The following C2orf80 variants were observed in gnomAD, a reference collection of about 807,000 sequenced individuals.
The protein encoded by C2orf80 is uncharacterized protein C2orf80.
Under a neutral mutation model 30.2 loss-of-function variants are expected in C2orf80, and 28 were observed. The observed-to-expected ratio is 0.93, with a 90% CI of 0.69 to 1.27. C2orf80 has a LOEUF of 1.27. Among genes scored for constraint, C2orf80 ranks in the 50% most tolerant of loss-of-function variants. The pLI, the probability that C2orf80 is intolerant of heterozygous loss-of-function variation, is 0.00. For synonymous variants in C2orf80, 80 were observed against 76.4 expected (o/e 1.05, Z -0.24); for missense variants, 220 against 231.0 (o/e 0.95, Z 0.31).
intron 6 of C2orf80, among the ~76,000 whole-genome samples, chr2:208,179,870 A>G (rs548315503): frequency 5.1e-4 from 78 of 152,208 alleles, no homozygotes; most frequent in African/African-American, 1.8e-3. Flanking sequence ...AGGAGCTGAG[A>G]GTGGAGCTCA....
intron 1 of C2orf80, among the ~76,000 whole-genome samples, chr2:208,189,703 TTG>T (rs983791183): frequency 8.5e-5 from 13 of 152,204 alleles, no homozygotes; most frequent in Non-Finnish European, 1.5e-4. Flanking sequence ...GCTGTGTGTT[TTG>T]TGTGTGGCTG....
chr2:208,189,606 C>T (rs1160400230), intron 1 of C2orf80, among the ~76,000 whole-genome samples: 1 of 152,176 alleles, frequency 6.6e-6, no homozygotes, highest in South Asian at 2.1e-4. Context: ...TAAAGAAGGC[C>T]ATTTGCATGG....
At position 208,165,610 on chromosome 2, in the gene C2orf80, T is replaced by TC. The variant is rs1431779319; in HGVS notation, c.*196_*197insG. ...ATGAAGTAGCATAAGGTCACAGTTT[T>TC]TTTTTTTAAGAAAATGTAGCCATGC... On this transcript the variant is annotated 3_prime_UTR_variant, in exon 9 of 9. Transcript: ENST00000341287. 1 of 588,336 alleles carries TC rather than the reference T, an allele frequency of 1.7e-6. No individual in the cohort carries two copies. The highest frequency in any genetic ancestry group is 3.7e-5 in the Admixed American group (1 of 27,320). 36.4% of individuals were successfully genotyped at this position (588,336 alleles called of 1,614,324 possible).
intron 6 of C2orf80, among the ~76,000 whole-genome samples, chr2:208,179,619 A>G (rs1294886570): frequency 6.6e-6 from 1 of 152,114 alleles, no homozygotes; most frequent in African/African-American, 2.4e-5. Context: ...TCTAAATAGC[A>G]GTTCATATTT....
At chr2:208,188,085 C>CGTGT (rs139478315) in intron 1 of C2orf80, among the ~76,000 whole-genome samples, 13,045 of 144,062 alleles carry the variant, frequency 0.091, 708 homozygotes, top group East Asian at 0.19. Flanking sequence ...TATACTGCAC[C>CGTGT]GTGTGTGTGT....
At chr2:208,182,691 GCGCCCGGCCC>G (rs1433581020) in intron 4 of C2orf80, among the ~76,000 whole-genome samples, 1 of 152,192 alleles carries the variant, frequency 6.6e-6, no homozygotes, top group Non-Finnish European at 1.5e-5. Flanking sequence ...CTGAGCCACC[GCGCCCGGCCC>G]CTTAAGACAC....
At chr2:208,174,357 A>C (rs1321784235) in intron 6 of C2orf80, among the ~76,000 whole-genome samples, 1 of 152,182 alleles carries the variant, frequency 6.6e-6, no homozygotes, top group Non-Finnish European at 1.5e-5. Context: ...CTGAGTCAGC[A>C]TCCTCCAAAA....
intron 1 of C2orf80, among the ~76,000 whole-genome samples, chr2:208,187,547 C>T (rs1696753624): frequency 6.6e-6 from 1 of 152,126 alleles, no homozygotes; most frequent in Non-Finnish European, 1.5e-5. Context: ...GGAAATATGT[C>T]TTCAATTCCC....
intron 4 of C2orf80, among the ~76,000 whole-genome samples, chr2:208,181,637 AC>A (rs1696564497): frequency 6.6e-6 from 1 of 152,082 alleles, no homozygotes; most frequent in East Asian, 1.9e-4. Context: ...GAACTACCTA[AC>A]CCCACTGTAA....
chr2:208,175,011 T>C (rs1390423026), intron 6 of C2orf80, among the ~76,000 whole-genome samples: 1 of 152,158 alleles, frequency 6.6e-6, no homozygotes, highest in Non-Finnish European at 1.5e-5. Context: ...TCGGGCGCGG[T>C]GGCTCAGCCT....
intron 6 of C2orf80, among the ~76,000 whole-genome samples, chr2:208,175,732 A>G (rs1696266652): frequency 7.6e-6 from 1 of 131,904 alleles, no homozygotes; most frequent in South Asian, 2.7e-4. Context: ...ATCTCTTGCA[A>G]TATCGTTTTT....
At chr2:208,185,425 A>G (rs1440482620) in intron 2 of C2orf80, among the ~76,000 whole-genome samples, 1 of 152,222 alleles carries the variant, frequency 6.6e-6, no homozygotes, top group Non-Finnish European at 1.5e-5. Flanking sequence ...CATTCCAGAT[A>G]TATAAAATTC....
Position 208,187,010 on chromosome 2 carries a change from A to C in C2orf80, c.-24T>G, listed in dbSNP as rs1367323448. ...ATGTTAAAGGCTTAGCCAGCTGAGC[A>C]GGTATCTGCAGCTAACACTACACTT... On this transcript the variant is annotated 5_prime_UTR_variant, in exon 2 of 9. Transcript: ENST00000341287. 2 of 1,613,214 alleles carry C rather than the reference A, an allele frequency of 1.2e-6. No individual in the cohort carries two copies. Among genetic ancestry groups the C allele is most frequent in the South Asian group, 1.1e-5 (1 of 91,072 alleles).
chr2:208,181,293 G>C lies in C2orf80; in HGVS notation c.219C>G (p.Leu73=), dbSNP rs369420590. The C allele has an allele frequency of 5.0e-6, 8 of 1,606,972 alleles. No individual in the cohort carries two copies. In the Middle Eastern group the frequency reaches 4.9e-4, roughly 99 times the overall value. Residue 73 remains leucine (L), a synonymous_variant, in exon 5 of 9, where the codon CTC becomes CTG. Transcript: ENST00000341287. ...GATTTGGATATATGGGTCTGCCATGGAGTGGTATTTTCCTAATGGGGAATA... is the reference window on the plus strand; with the variant it reads ...GATTTGGATATATGGGTCTGCCATGCAGTGGTATTTTCCTAATGGGGAATA... ...WLEWEELKIP[L]HGRPIYPNRR...
At position 208,183,013 on chromosome 2, in the gene C2orf80, T is replaced by G. The variant is rs1249035444; in HGVS notation, c.158A>C (p.Gln53Pro). Residue 53 changes from glutamine to proline, a missense_variant, in exon 4 of 9, where the codon CAA becomes CCA. Physicochemically the swap from Gln to Pro is moderately conservative, Grantham distance 76 (BLOSUM62 -1). Coordinates refer to ENST00000341287, the MANE Select transcript of C2orf80 (RefSeq NM_001099334.3). ...HYDLAISVAL[Q>P]WLDPSEDLTW... ...TAAGTCTTCTGAGGGATCCAGCCAT[T>G]GCAAAGCAACACTGATGGCCAAGTC... The G allele has an allele frequency of 6.2e-7, 1 of 1,614,024 alleles. No homozygotes were observed. The highest frequency in any genetic ancestry group is 1.7e-5 in the Admixed American group (1 of 60,026).
chr2:208,169,792 A>T (rs951734601), intron 8 of C2orf80, among the ~76,000 whole-genome samples: 6 of 152,222 alleles, frequency 3.9e-5, no homozygotes, highest in Non-Finnish European at 7.3e-5. Context: ...ATATGTTTGA[A>T]GGAAAATTGA....
chr2:208,170,961 G>C lies in C2orf80; in HGVS notation c.557C>G (p.Thr186Arg), dbSNP rs1696079180. 1 of 1,613,708 alleles carries C rather than the reference G, an allele frequency of 6.2e-7. No homozygotes were observed. The highest frequency in any genetic ancestry group is 1.3e-5 in the African/African-American group (1 of 74,924). The stretch of plus-strand genomic sequence containing the variant: ...CACACCTACTTTGTGCTTTGGCTGT[G>C]TGTCTGAAAACCTTTGTGATGATTT... ...EWKSSQRFSD[T>R]QPKHKVT Residue 186 changes from threonine (T) to arginine (R), a missense_variant, in exon 8 of 9, where the codon ACA (threonine) becomes AGA (arginine). Physicochemically the swap from Thr to Arg is moderately conservative, Grantham distance 71. Transcript: ENST00000341287.
chr2:208,178,706 G>A (rs894389524), intron 6 of C2orf80, among the ~76,000 whole-genome samples: 1 of 152,040 alleles, frequency 6.6e-6, no homozygotes, highest in Admixed American at 6.6e-5. Flanking sequence ...TTGAGCCCAG[G>A]AGTTCAAGAC....
At chr2:208,180,990 A>C (rs1238091449) in intron 5 of C2orf80, among the ~76,000 whole-genome samples, 174 bp from the exon 6 acceptor site, 2 of 152,182 alleles carry the variant, frequency 1.3e-5, no homozygotes, top group African/African-American at 4.8e-5. Flanking sequence ...GATACCAATT[A>C]GTTGTGTCTC....
Sources: allele counts gnomAD v4.1 joint callset (sites outside exome capture counted in the v4.1 genomes callset), GRCh38; gene constraint gnomAD v4.1.1; transcripts MANE v1.5; gene names NCBI Gene and HGNC (gene_info 2026-07-23, HGNC 2026-07-21).